DPP4: variants seen among roughly 807,000 people sequenced by gnomAD.
DPP4 encodes the protein dipeptidyl peptidase 4, also known as ADCP-2.
Under a neutral mutation model 122.4 loss-of-function variants are expected in DPP4, and 93 were observed. That is an observed-to-expected ratio of 0.76 (90% CI 0.64 to 0.90). DPP4 has a LOEUF of 0.90. Among genes scored for constraint, DPP4 ranks in the 40% least tolerant of loss-of-function variants. The pLI is 0.00. For missense variants in DPP4, 914 were observed against 907.3 expected (o/e 1.01, Z -0.09); for synonymous variants, 321 against 302.9 (o/e 1.06, Z -0.62).
chr2:162,026,080 C>T (rs375039185), intron 10 of DPP4, among the ~76,000 whole-genome samples: 2 of 152,174 alleles, frequency 1.3e-5, no homozygotes, highest in East Asian at 3.9e-4. Flanking sequence ...GTCATATTGT[C>T]ATACTGAAGG....
At chr2:162,060,915 C>G in intron 2 of DPP4, among the ~76,000 whole-genome samples, 1 of 145,966 alleles carries the variant, frequency 6.9e-6, no homozygotes, top group East Asian at 2.1e-4. Context: ...CTCCCTCCCT[C>G]CCTAGCTTCC....
Position 162,038,959 on chromosome 2 carries a change from C to G in DPP4, c.482G>C (p.Gly161Ala), listed in dbSNP as rs747798382. ...GAGAGACTCACTAACCAATTTATGA[C>G]CCACTGGTGACCATGTGACCCACTG... Reference protein sequence around the residue: ...NTQWVTWSPVGHKLAYVWNND... With the variant: ...NTQWVTWSPVAHKLAYVWNND... The change falls in exon 7 of 26, where the codon GGT becomes GCT. Residue 161 changes from glycine to alanine, a missense_variant. By Grantham distance (60) the Gly-to-Ala change is moderately conservative. Transcript: ENST00000360534. 1 of 1,613,378 alleles carries G rather than the reference C, an allele frequency of 6.2e-7. No individual in the cohort carries two copies. The highest frequency in any genetic ancestry group is 2.2e-5 in the East Asian group (1 of 44,860).
rs572456781 is a variant in DPP4 at position 161,993,673 on chromosome 2, G to A, written c.2200-289C>T. 4.6e-5 allele frequency among the ~76,000 whole-genome samples: 7 copies of A among 152,126 alleles called. No individual in the cohort carries two copies. The South Asian group carries it at 8.3e-4, about 18-fold the overall frequency. On this transcript the variant is annotated intron_variant, in intron 25 of 25. Transcript: ENST00000360534. ...TTATTGAATAGTGCTTTAAAGATACGTACATTTTAATTAAAACACCCAATC... is the reference window on the plus strand; with the variant it reads ...TTATTGAATAGTGCTTTAAAGATACATACATTTTAATTAAAACACCCAATC...
Position 162,024,820 on chromosome 2 carries a change from C to T in DPP4, c.1007G>A (p.Arg336Lys). The stretch of plus-strand genomic sequence containing the variant: ...CAGTCTCACCACTAAGCAGTTCCAT[C>T]TTCCACTGGATTCATCATAGTCACA... ...DICDYDESSGRWNCLVARQHI... is the reference protein window; with the variant it reads ...DICDYDESSGKWNCLVARQHI... The change falls in exon 11 of 26, where the codon AGA becomes AAA. Residue 336 changes from arginine (R) to lysine (K), a missense_variant. By Grantham distance (26) the Arg-to-Lys change is conservative. Coordinates refer to ENST00000360534, the MANE Select transcript of DPP4 (RefSeq NM_001935.4). 1 of 1,613,774 alleles carries T rather than the reference C, an allele frequency of 6.2e-7. No homozygotes were observed. Among genetic ancestry groups the T allele is most frequent in the Non-Finnish European group, 8.5e-7 (1 of 1,179,998 alleles).
chr2:162,046,756 C>T (rs776242100), intron 4 of DPP4, 159 bp downstream of exon 4: 3 of 686,840 alleles, frequency 4.4e-6, no homozygotes, highest in Non-Finnish European at 8.1e-6. Flanking sequence ...AAAAAGTAGC[C>T]AAGGCAGGGA....
chr2:162,005,401 A>G (rs754487188), intron 23 of DPP4, among the ~76,000 whole-genome samples: 1 of 152,230 alleles, frequency 6.6e-6, no homozygotes, highest in Non-Finnish European at 1.5e-5. Context: ...AAATTTCAAT[A>G]TATAGCTAAA....
In DPP4 at chr2:161,992,269, A is replaced by G. The variant is rs1326291698; in HGVS notation, c.*1014T>C. The G allele has an allele frequency of 6.6e-6, 1 of 152,244 alleles. No homozygotes were observed. The highest frequency in any genetic ancestry group is 1.5e-5 in the Non-Finnish European group (1 of 68,046). The allele number at this position is 152,244 out of a possible 1,614,324, so 9.4% of individuals were successfully genotyped here. A position where few individuals can be genotyped will look rare whatever the true frequency, so the allele number is the denominator to read the frequency against. ...CTTCTGAAAAAATGAAGGCACATTT[A>G]TTAAATGACTGGGAGAAATTCCATA... On this transcript the variant is annotated 3_prime_UTR_variant, in exon 26 of 26. Transcript: ENST00000360534.
intron 14 of DPP4, 28 bp downstream of exon 14, chr2:162,020,201 A>C: frequency 6.3e-7 from 1 of 1,588,030 alleles, no homozygotes; most frequent in Non-Finnish European, 8.6e-7. Context: ...AAGTAGGTTT[A>C]TATCCTATCA....
intron 23 of DPP4, among the ~76,000 whole-genome samples, chr2:162,002,518 G>T (rs1701176651): frequency 6.6e-6 from 1 of 152,164 alleles, no homozygotes; most frequent in South Asian, 2.1e-4. Context: ...GTACTGAAAA[G>T]AGTCACTGAT....
In DPP4 at chr2:162,033,555, A is replaced by T; in HGVS notation, c.873T>A (p.Ala291=). ...AAGAGTCTTACCCTATCAACATAGA[A>T]GCAGGAGCAGTGATTTGTATGGAAG... The part of the protein sequence containing the change: ...NATSIQITAP[A]SMLIGDHYLC... Residue 291 remains alanine, a synonymous_variant, in exon 10 of 26, where the codon GCT becomes GCA. Coordinates refer to ENST00000360534, the MANE Select transcript of DPP4 (RefSeq NM_001935.4). The T allele has an allele frequency of 6.2e-7, 1 of 1,612,574 alleles. No homozygotes were observed. Among genetic ancestry groups the T allele is most frequent in the Non-Finnish European group, 8.5e-7 (1 of 1,179,060 alleles).
chr2:162,024,699 A>G, intron 11 of DPP4, 105 bp downstream of exon 11: 1 of 1,431,014 alleles, frequency 7.0e-7, no homozygotes, highest in Non-Finnish European at 9.4e-7. Flanking sequence ...GAAAGAAGAG[A>G]AACTCAAACT....
At chr2:162,020,506 A>C in intron 13 of DPP4, 75 bp downstream of exon 13, 1 of 1,202,098 alleles carries the variant, frequency 8.3e-7, no homozygotes, top group Non-Finnish European at 1.2e-6. Flanking sequence ...ACCTTACCAA[A>C]TGATTTCCAC....
chr2:162,038,997 A>C lies in DPP4; in HGVS notation c.444T>G (p.Ile148Met), dbSNP rs760783881. ...NKRQLITEER[I>M]PNNTQWVTWS... is the part of the protein sequence containing the mutation. ...ATGTGACCCACTGTGTGTTGTTTGGAATCCTCTCTTCTGTAATCAGCTGCC... is the reference window on the plus strand; with the variant it reads ...ATGTGACCCACTGTGTGTTGTTTGGCATCCTCTCTTCTGTAATCAGCTGCC... The change falls in exon 7 of 26, where the codon ATT becomes ATG. Residue 148 changes from isoleucine to methionine, a missense_variant. Coordinates refer to ENST00000360534, the MANE Select transcript of DPP4 (RefSeq NM_001935.4). The C allele has an allele frequency of 2.5e-6, 4 of 1,613,350 alleles. No homozygotes were observed. The East Asian group carries it at 8.9e-5, about 36-fold the overall frequency.
At position 162,026,370 on chromosome 2, in the gene DPP4, A is replaced by G. The variant is rs148961394; in HGVS notation, c.888-1431T>C. Reference sequence around the variant, plus strand: ...CCTTCACTCAGCCGCAGAGCACTGCATTTCTGTAAATTGGGGTCCCTTTTC... The same window carrying G: ...CCTTCACTCAGCCGCAGAGCACTGCGTTTCTGTAAATTGGGGTCCCTTTTC... On this transcript the variant is annotated intron_variant, in intron 10 of 25. Coordinates refer to ENST00000360534, the MANE Select transcript of DPP4 (RefSeq NM_001935.4). Among the ~76,000 whole-genome samples the G allele has an allele frequency of 5.9e-5, 9 of 152,266 alleles. No individual in the cohort carries two copies. The East Asian group carries it at 1.7e-3, about 29-fold the overall frequency.
Position 162,020,302 on chromosome 2 carries a change from G to A in DPP4, c.1177-6C>T, listed in dbSNP as rs1683074509. 7.0e-6 allele frequency: 9 copies of A among 1,290,992 alleles called. No individual in the cohort carries two copies. The Admixed American group carries it at 1.1e-4, about 16-fold the overall frequency. The allele number at this position is 1,290,992 out of a possible 1,614,324, so 80.0% of individuals were successfully genotyped here. On this transcript the variant is annotated splice_polypyrimidine_tract_variant and splice_region_variant and intron_variant, in intron 13 of 25. Transcript: ENST00000360534. ...TTTGTAATAAATGTGCAGTCCTGAT[G>A]GTTTTTTTTTTTTTTCAAAAAAAAA... is the stretch of plus-strand genomic sequence containing the variant.
At chr2:162,062,643 C>T (rs1684816329) in intron 2 of DPP4, among the ~76,000 whole-genome samples, 1 of 152,190 alleles carries the variant, frequency 6.6e-6, no homozygotes, top group Non-Finnish European at 1.5e-5. Context: ...TAGAGATGAC[C>T]CACATTCCTG....
intron 2 of DPP4, among the ~76,000 whole-genome samples, chr2:162,052,611 G>A (rs1684421590): frequency 6.6e-6 from 1 of 152,194 alleles, no homozygotes; most frequent in African/African-American, 2.4e-5. Context: ...GAAATGGAGT[G>A]TTGCTGTTAC....
At chr2:162,065,112 T>C (rs767713112) in intron 2 of DPP4, among the ~76,000 whole-genome samples, 8 of 152,154 alleles carry the variant, frequency 5.3e-5, no homozygotes, top group Non-Finnish European at 7.3e-5. Context: ...GAAAGGTGAG[T>C]CTTGAGTAGT....
At chr2:162,073,664 G>A (rs548778045) in intron 1 of DPP4, 178 bp from the exon 2 acceptor site, 1 of 686,082 alleles carries the variant, frequency 1.5e-6, no homozygotes, top group African/African-American at 1.8e-5. Context: ...GTTCTCTAAG[G>A]CGGGTGCCCT....
Sources: gnomAD v4.1 joint callset for allele counts (sites outside exome capture counted in the v4.1 genomes callset) on GRCh38, gnomAD v4.1.1 for gene constraint, MANE v1.5 for transcripts, NCBI Gene and HGNC (gene_info 2026-07-23, HGNC 2026-07-21) for gene names.